HS3ST2: variants seen among roughly 807,000 people sequenced by gnomAD.
The protein encoded by HS3ST2 is heparan sulfate-glucosamine 3-sulfotransferase 2, also known as heparan sulfate glucosamine 3-O-sulfotransferase 2.
HS3ST2 carries 17 observed loss-of-function variants against 26.3 expected under a neutral mutation model. The observed-to-expected ratio is 0.65, with a 90% CI of 0.44 to 0.97. The LOEUF is 0.97. HS3ST2 is among the 50% of genes least tolerant of loss of function. The pLI is 0.00. For synonymous variants in HS3ST2, 237 were observed against 219.2 expected (o/e 1.08, Z -0.72); for missense variants, 402 against 501.2 (o/e 0.80, Z 1.89).
intron 1 of HS3ST2, among the ~76,000 whole-genome samples, chr16:22,910,795 G>C (rs1399929806): frequency 6.6e-6 from 1 of 152,188 alleles, no homozygotes; most frequent in Non-Finnish European, 1.5e-5. Flanking sequence ...TGCAGGAAAG[G>C]TAGAAGGGGA....
rs543750762 is a variant in HS3ST2 at position 22,865,413 on chromosome 16, G to A, written c.486-49531G>A. On this transcript the variant is annotated intron_variant, in intron 1 of 1. Transcript: ENST00000261374. ...ACTAAAAATACACAAAAAATTAGCCGGGCATGGTGGCGCATGCCTGTAATC... is the reference window on the plus strand; with the variant it reads ...ACTAAAAATACACAAAAAATTAGCCAGGCATGGTGGCGCATGCCTGTAATC... Among the ~76,000 whole-genome samples, 21 of 152,054 alleles carry A rather than the reference G, an allele frequency of 1.4e-4. No individual in the cohort carries two copies. The South Asian group carries it at 4.0e-3, about 29-fold the overall frequency.
chr16:22,867,569 C>CA (rs1901774838), intron 1 of HS3ST2, among the ~76,000 whole-genome samples: 1 of 152,038 alleles, frequency 6.6e-6, no homozygotes, highest in African/African-American at 2.4e-5. Context: ...GAACAAGCAA[C>CA]ATGCAAAAGC....
chr16:22,906,875 G>A (rs1902363333), intron 1 of HS3ST2, among the ~76,000 whole-genome samples: 1 of 152,178 alleles, frequency 6.6e-6, no homozygotes, highest in African/African-American at 2.4e-5. Flanking sequence ...AGCACCTATG[G>A]TATGCCAGGT....
At chr16:22,824,617 C>T (rs1323142410) in intron 1 of HS3ST2, among the ~76,000 whole-genome samples, 1 of 152,164 alleles carries the variant, frequency 6.6e-6, no homozygotes, top group East Asian at 1.9e-4. Flanking sequence ...GGTAGGATGT[C>T]AATTTTGCTT....
intron 1 of HS3ST2, among the ~76,000 whole-genome samples, chr16:22,882,738 C>G (rs1902006092): frequency 6.8e-6 from 1 of 146,826 alleles, no homozygotes; most frequent in African/African-American, 2.5e-5. Flanking sequence ...CTTAAACAAA[C>G]AAACAAAAAA....
chr16:22,815,960 TA>T (rs1477908283), intron 1 of HS3ST2, among the ~76,000 whole-genome samples: 9 of 152,232 alleles, frequency 5.9e-5, no homozygotes, highest in African/African-American at 1.7e-4. Context: ...GCAAGGGTGC[TA>T]GGGGCAGCCA....
At chr16:22,902,144 T>C (rs1198975034) in intron 1 of HS3ST2, among the ~76,000 whole-genome samples, 3 of 152,244 alleles carry the variant, frequency 2.0e-5, no homozygotes, top group Non-Finnish European at 2.9e-5. Context: ...AACTTACTGT[T>C]CTACAACCTG....
At position 22,831,016 on chromosome 16, in the gene HS3ST2, G is replaced by A. The variant is rs143128631; in HGVS notation, c.485+15921G>A. On this transcript the variant is annotated intron_variant, in intron 1 of 1. Transcript: ENST00000261374. ...AGTTCAATTCCAGCCCAATACAGTT[G>A]CCTATGCTTTGTTCTACATGAGGCA... Among the ~76,000 whole-genome samples, 19 of 152,310 alleles carry A rather than the reference G, an allele frequency of 1.2e-4. No homozygotes were observed. The East Asian group carries it at 3.3e-3, about 26-fold the overall frequency.
intron 1 of HS3ST2, among the ~76,000 whole-genome samples, chr16:22,835,989 TA>T (rs565143377): frequency 1.5e-3 from 219 of 148,054 alleles, no homozygotes; most frequent in African/African-American, 4.8e-3. Flanking sequence ...CATTGATTCT[TA>T]AAAAAAAAAT....
chr16:22,883,999 G>C (rs1294634495), intron 1 of HS3ST2, among the ~76,000 whole-genome samples: 1 of 152,088 alleles, frequency 6.6e-6, no homozygotes, highest in Non-Finnish European at 1.5e-5. Context: ...AAACAACTCG[G>C]TCCTGCCCCA....
At chr16:22,855,244 A>T (rs956711642) in intron 1 of HS3ST2, among the ~76,000 whole-genome samples, 1 of 152,058 alleles carries the variant, frequency 6.6e-6, no homozygotes, top group African/African-American at 2.4e-5. Context: ...TGTCCTCCCA[A>T]GCAGAGGGCA....
At chr16:22,824,981 G>C (rs1413627016) in intron 1 of HS3ST2, among the ~76,000 whole-genome samples, 1 of 152,128 alleles carries the variant, frequency 6.6e-6, no homozygotes, top group African/African-American at 2.4e-5. Flanking sequence ...AGCATACAAA[G>C]ACAGATCTTA....
intron 1 of HS3ST2, among the ~76,000 whole-genome samples, chr16:22,886,210 T>G (rs1567496910): frequency 6.6e-6 from 1 of 152,238 alleles, no homozygotes; most frequent in Non-Finnish European, 1.5e-5. Context: ...CAAGTTTCCC[T>G]GCAAAACATA....
intron 1 of HS3ST2, among the ~76,000 whole-genome samples, chr16:22,914,736 C>CAAAAAA (rs1159639879): frequency 5.3e-4 from 19 of 35,946 alleles, no homozygotes; most frequent in Non-Finnish European, 8.6e-4. Context: ...GACCTTGTCT[C>CAAAAAA]AAAAAAAAAA....
At chr16:22,842,969 A>G (rs749958493) in intron 1 of HS3ST2, among the ~76,000 whole-genome samples, 1 of 152,190 alleles carries the variant, frequency 6.6e-6, no homozygotes, top group Non-Finnish European at 1.5e-5. Context: ...AATCTCTTCA[A>G]TTATGTTAAA....
chr16:22,817,250 T>C (rs1900883827), intron 1 of HS3ST2, among the ~76,000 whole-genome samples: 1 of 152,134 alleles, frequency 6.6e-6, no homozygotes, highest in African/African-American at 2.4e-5. Context: ...CCCCACTTTA[T>C]ATTTCTAAAA....
chr16:22,875,756 T>C (rs1901906855), intron 1 of HS3ST2, among the ~76,000 whole-genome samples: 1 of 152,226 alleles, frequency 6.6e-6, no homozygotes, highest in Non-Finnish European at 1.5e-5. Flanking sequence ...CACCACTTAC[T>C]GGTTCTCCCA....
chr16:22,832,876 C>T (rs1012304607), intron 1 of HS3ST2, among the ~76,000 whole-genome samples: 3 of 151,978 alleles, frequency 2.0e-5, no homozygotes, highest in Non-Finnish European at 4.4e-5. Flanking sequence ...GAGCAAGAAG[C>T]ATTCCTGTTG....
intron 1 of HS3ST2, among the ~76,000 whole-genome samples, chr16:22,892,221 T>C (rs1902140134): frequency 6.9e-6 from 1 of 145,362 alleles, no homozygotes; most frequent in South Asian, 2.2e-4. Context: ...ACCCAGGAAG[T>C]GGAGCTTGGA....
Sources: gnomAD v4.1 joint callset for allele counts (sites outside exome capture counted in the v4.1 genomes callset) on GRCh38, gnomAD v4.1.1 for gene constraint, MANE v1.5 for transcripts, NCBI Gene and HGNC (gene_info 2026-07-23, HGNC 2026-07-21) for gene names.